RGS6: variants seen among roughly 807,000 people sequenced by gnomAD.
The protein encoded by RGS6 is regulator of G protein signaling 6, also known as regulator of G-protein signaling 6.
A neutral mutation model predicts 78.5 loss-of-function variants in RGS6; 30 were observed. That is an observed-to-expected ratio of 0.38 (90% confidence interval 0.29 to 0.52). The LOEUF is 0.52. Ranked by LOEUF, RGS6 falls within the 20% of genes least tolerant of loss-of-function variation. The probability of loss-of-function intolerance (pLI) is 0.85; values close to 1 mark genes in which losing one functional copy is unlikely to be tolerated. For missense variants in RGS6, 495 were observed against 609.7 expected (o/e 0.81, Z 1.98); for synonymous variants, 206 against 206.0 (o/e 1.00, Z 0.00).
intron 2 of RGS6, among the ~76,000 whole-genome samples, chr14:71,973,024 G>T (rs2093906512): frequency 6.6e-6 from 1 of 152,136 alleles, no homozygotes; most frequent in South Asian, 2.1e-4. Context: ...AATGGACCAG[G>T]ATATCTGGGT....
chr14:72,092,341 G>A (rs1320082766), intron 2 of RGS6, among the ~76,000 whole-genome samples: 3 of 152,034 alleles, frequency 2.0e-5, no homozygotes, highest in Non-Finnish European at 2.9e-5. Flanking sequence ...CTTGAAGGAT[G>A]TTTTGTCATT....
intron 2 of RGS6, among the ~76,000 whole-genome samples, chr14:72,241,075 T>A (rs764915711): frequency 1.0e-4 from 15 of 149,836 alleles, no homozygotes; most frequent in Non-Finnish European, 1.8e-4. Flanking sequence ...GAGAATTGCT[T>A]GAACCAGGGA....
At chr14:72,272,589 A>G (rs1037975111) in intron 2 of RGS6, among the ~76,000 whole-genome samples, 20 of 152,344 alleles carry the variant, frequency 1.3e-4, no homozygotes, top group African/African-American at 4.8e-4. Flanking sequence ...ATCCTGAAAT[A>G]AGATACAGAA....
chr14:72,114,409 A>G (rs2153556303), intron 2 of RGS6, among the ~76,000 whole-genome samples: 1 of 152,312 alleles, frequency 6.6e-6, no homozygotes, highest in South Asian at 2.1e-4. Context: ...TAGGACAATC[A>G]TTAAAACCTA....
chr14:72,514,482 A>G (rs1943344913), intron 14 of RGS6, among the ~76,000 whole-genome samples: 1 of 152,210 alleles, frequency 6.6e-6, no homozygotes, highest in Admixed American at 6.5e-5. Flanking sequence ...GGAGGCTCCC[A>G]CTGGGGCAGC....
At chr14:72,094,853 G>A (rs1408260204) in intron 2 of RGS6, among the ~76,000 whole-genome samples, 2 of 152,136 alleles carry the variant, frequency 1.3e-5, no homozygotes, top group Non-Finnish European at 2.9e-5. Flanking sequence ...CACAACAGTT[G>A]TTTCTGCCAG....
intron 2 of RGS6, among the ~76,000 whole-genome samples, chr14:72,182,416 C>CAAAAAAAAAAAAAAAA: frequency 9.4e-6 from 1 of 106,376 alleles, no homozygotes; most frequent in Non-Finnish European, 1.9e-5. Context: ...GACTCCATCT[C>CAAAAAAAAAAAAAAAA]AAAAAAAAAA....
At chr14:72,394,648 C>A (rs141587674) in intron 3 of RGS6, among the ~76,000 whole-genome samples, 2,504 of 152,282 alleles carry the variant, frequency 0.016, 82 homozygotes, top group African/African-American at 0.058. Flanking sequence ...TGGTTATCTC[C>A]CTTGTTCCTT....
intron 2 of RGS6, among the ~76,000 whole-genome samples, chr14:72,227,330 G>A (rs2048361276): frequency 6.6e-6 from 1 of 152,138 alleles, no homozygotes; most frequent in Non-Finnish European, 1.5e-5. Flanking sequence ...GCCCAGGCTG[G>A]ACTTGAACTA....
At chr14:71,916,392 A>G in the RGS6 span, among the ~76,000 whole-genome samples, 1 of 152,118 alleles carries the variant, frequency 6.6e-6, no homozygotes, top group Admixed American at 6.5e-5. Flanking sequence ...CTTTGTGTTT[A>G]CAGGCTGAGG....
At chr14:72,629,418 G>A in the RGS6 span, among the ~76,000 whole-genome samples, 1 of 152,188 alleles carries the variant, frequency 6.6e-6, no homozygotes, top group Admixed American at 6.5e-5. Context: ...GGAATGTGGT[G>A]GAAACAATCA....
At chr14:72,281,892 T>C (rs1336862112) in intron 2 of RGS6, among the ~76,000 whole-genome samples, 1 of 152,160 alleles carries the variant, frequency 6.6e-6, no homozygotes, top group Non-Finnish European at 1.5e-5. Flanking sequence ...GGAATCTGAA[T>C]TTTGTTAATA....
intron 1 of RGS6, among the ~76,000 whole-genome samples, chr14:71,958,588 T>A (rs139832049): frequency 4.7e-5 from 7 of 150,400 alleles, no homozygotes; most frequent in African/African-American, 1.4e-4. Flanking sequence ...GAAAGCCAGT[T>A]TTTTTTGACC....
chr14:72,076,824 G>A (rs1479423792), intron 2 of RGS6, among the ~76,000 whole-genome samples: 1 of 151,894 alleles, frequency 6.6e-6, no homozygotes, highest in Non-Finnish European at 1.5e-5. Context: ...GAACCACTGG[G>A]CCTGGCCTAT....
At chr14:72,287,308 C>A (rs567231760) in intron 2 of RGS6, among the ~76,000 whole-genome samples, 2 of 152,212 alleles carry the variant, frequency 1.3e-5, no homozygotes, top group East Asian at 1.9e-4. Context: ...CTTTTTCTTG[C>A]CTAATTGCTC....
At chr14:72,489,484 C>T (rs1398078803) in intron 12 of RGS6, among the ~76,000 whole-genome samples, 1 of 152,152 alleles carries the variant, frequency 6.6e-6, no homozygotes, top group Admixed American at 6.6e-5. Context: ...AATGTGACCT[C>T]CTTTGGGAAG....
intron 2 of RGS6, among the ~76,000 whole-genome samples, chr14:72,079,271 G>T (rs1026988850): frequency 2.0e-5 from 3 of 151,718 alleles, no homozygotes; most frequent in African/African-American, 7.3e-5. Flanking sequence ...TCTACAGCAT[G>T]CCTCTGTTTA....
At chr14:71,962,203 C>T (rs958684436) in intron 1 of RGS6, among the ~76,000 whole-genome samples, 2 of 152,174 alleles carry the variant, frequency 1.3e-5, no homozygotes, top group Admixed American at 6.5e-5. Flanking sequence ...AGACTATCTG[C>T]ATTCACTTAG....
chr14:72,416,144 CAAA>C (rs5809572), intron 3 of RGS6, among the ~76,000 whole-genome samples: 22 of 97,142 alleles, frequency 2.3e-4, no homozygotes, highest in Non-Finnish European at 2.3e-4. Flanking sequence ...GACTCTGTCT[CAAA>C]AAAAAAAAAA....
Sources: gnomAD v4.1 joint callset for allele counts (sites outside exome capture counted in the v4.1 genomes callset) on GRCh38, gnomAD v4.1.1 for gene constraint, MANE v1.5 for transcripts, NCBI Gene and HGNC (gene_info 2026-07-23, HGNC 2026-07-21) for gene names.